The following WDPCP variants were observed in gnomAD, a reference collection of about 807,000 sequenced individuals.
The protein encoded by WDPCP is WD repeat-containing and planar cell polarity effector protein fritz homolog.
WDPCP carries 71 observed loss-of-function variants against 93.1 expected under a neutral mutation model. The ratio of observed to expected loss-of-function variants is 0.76; its 90% confidence interval spans 0.63 to 0.93. WDPCP has a LOEUF of 0.93. Ranked by LOEUF, WDPCP falls within the 40% of genes least tolerant of loss-of-function variation. The pLI, the probability that WDPCP is intolerant of heterozygous loss-of-function variation, is 0.00. For missense variants in WDPCP, 844 were observed against 887.4 expected, an observed-to-expected ratio of 0.95 and a Z score of 0.62; for synonymous variants, 315 against 315.0, an observed-to-expected ratio of 1.00 and a Z score of 0.00.
intron 3 of WDPCP, chr2:63,606,712 G>T: frequency 1.3e-5 from 5 of 385,068 alleles, no homozygotes; most frequent in East Asian, 4.8e-5. Context: ...GTTTTTATTA[G>T]AATTATCTAT....
intron 17 of WDPCP, among the ~76,000 whole-genome samples, chr2:63,128,177 C>T (rs989375595): frequency 6.6e-6 from 1 of 151,970 alleles, no homozygotes; most frequent in African/African-American, 2.4e-5. Context: ...TTCTTTCAGA[C>T]AGTATGCCAA....
chr2:63,546,014 G>A (rs1705125936), intron 1 of WDPCP, among the ~76,000 whole-genome samples: 1 of 152,042 alleles, frequency 6.6e-6, no homozygotes, highest in Non-Finnish European at 1.5e-5. Context: ...AGTCTCCTAA[G>A]ATCTGACAGC....
At chr2:63,529,426 C>G (rs557411797) in intron 1 of WDPCP, among the ~76,000 whole-genome samples, 17 of 152,150 alleles carry the variant, frequency 1.1e-4, no homozygotes, top group African/African-American at 4.1e-4. Context: ...TAGCATGAAG[C>G]GCTGTTGAAT....
chr2:63,156,361 TA>T (rs1672248993), intron 15 of WDPCP, among the ~76,000 whole-genome samples: 2 of 152,292 alleles, frequency 1.3e-5, no homozygotes, highest in African/African-American at 4.8e-5. Flanking sequence ...GTTAGACTTA[TA>T]ACACAGTATT....
chr2:63,743,498 A>T (rs1251203807), intron 2 of WDPCP, among the ~76,000 whole-genome samples: 1 of 152,170 alleles, frequency 6.6e-6, no homozygotes, highest in Non-Finnish European at 1.5e-5. Context: ...TTTTAAAAAA[A>T]TACATCAAGA....
intron 3 of WDPCP, among the ~76,000 whole-genome samples, chr2:63,619,189 A>G (rs146900426): frequency 1.6e-4 from 25 of 152,286 alleles, no homozygotes; most frequent in African/African-American, 6.0e-4. Flanking sequence ...CCATTTAGGG[A>G]GCACGCAAAA....
At chr2:63,614,755 C>A (rs13411288) in intron 3 of WDPCP, among the ~76,000 whole-genome samples, 10,584 of 152,174 alleles carry the variant, frequency 0.07, 1,121 homozygotes, top group African/African-American at 0.23. Flanking sequence ...GAATTCTGCC[C>A]CATACCTTGG....
Position 63,602,934 on chromosome 2 carries a change from C to CTTTT in WDPCP, n.488+47721_488+47724dup, listed in dbSNP as rs370479356. On this transcript the variant is annotated intron_variant and non_coding_transcript_variant, in intron 3 of 4. Coordinates refer to the WDPCP transcript ENST00000467687. ...ACATAATACAGTTTATTTAACCGTT[C>CTTTT]TTTTTTTTTTTTTTTTTTTTTTTTT... 4.9e-3 allele frequency among the ~76,000 whole-genome samples: 649 copies of CTTTT among 131,178 alleles called. 32 individuals carry two copies. Among genetic ancestry groups the CTTTT allele is most frequent in the Non-Finnish European group, 8.8e-3 (520 of 59,308 alleles). The allele number at this position is 131,178 out of a possible 152,430, so 86.1% of individuals were successfully genotyped here.
chr2:63,654,836 AT>A (rs11388925), intron 2 of WDPCP, among the ~76,000 whole-genome samples: 1 of 151,216 alleles, frequency 6.6e-6, no homozygotes, highest in Non-Finnish European at 1.5e-5. Context: ...GTATATTTTT[AT>A]TTTTTTTTAA....
At chr2:63,136,621 T>A (rs190675946) in intron 17 of WDPCP, among the ~76,000 whole-genome samples, 29 of 151,946 alleles carry the variant, frequency 1.9e-4, no homozygotes, top group African/African-American at 7.0e-4. Flanking sequence ...GGATTTGAGG[T>A]TTTTTGTGCA....
intron 3 of WDPCP, among the ~76,000 whole-genome samples, chr2:63,619,060 C>T (rs1022679373): frequency 3.9e-5 from 6 of 152,208 alleles, no homozygotes; most frequent in Admixed American, 1.3e-4. Context: ...CATCCTGATC[C>T]GTGTTAAAAT....
At chr2:63,633,444 T>C (rs1361286030) in intron 3 of WDPCP, among the ~76,000 whole-genome samples, 1 of 152,142 alleles carries the variant, frequency 6.6e-6, no homozygotes, top group Admixed American at 6.5e-5. Context: ...AATTATGACA[T>C]CAAAAATATA....
chr2:63,459,788 G>A (rs996020897), intron 6 of WDPCP, among the ~76,000 whole-genome samples: 3 of 151,434 alleles, frequency 2.0e-5, no homozygotes, highest in African/African-American at 4.8e-5. Flanking sequence ...GTGGTGGCAT[G>A]TGCCTGTAGT....
intron 9 of WDPCP, among the ~76,000 whole-genome samples, chr2:63,418,738 A>C (rs1192303882): frequency 6.6e-6 from 1 of 152,222 alleles, no homozygotes; most frequent in Non-Finnish European, 1.5e-5. Context: ...AGTATAGATA[A>C]TTAAAGGAAG....
At chr2:63,419,383 A>T (rs1439547501) in intron 9 of WDPCP, among the ~76,000 whole-genome samples, 1 of 152,090 alleles carries the variant, frequency 6.6e-6, no homozygotes, top group Non-Finnish European at 1.5e-5. Flanking sequence ...CTCATGATCC[A>T]CTGGCCTTGG....
intron 2 of WDPCP, among the ~76,000 whole-genome samples, chr2:63,689,085 C>A (rs1039655995): frequency 6.6e-6 from 1 of 152,238 alleles, no homozygotes; most frequent in Admixed American, 6.5e-5. Context: ...TATAAATTAT[C>A]CAGTCTGTGG....
At chr2:63,570,583 G>T (rs1707410729) in intron 1 of WDPCP, among the ~76,000 whole-genome samples, 1 of 152,138 alleles carries the variant, frequency 6.6e-6, no homozygotes, top group Non-Finnish European at 1.5e-5. Flanking sequence ...TAACCACAGG[G>T]ATACATCTAG....
intron 17 of WDPCP, among the ~76,000 whole-genome samples, chr2:63,123,831 C>CAT (rs1166747642): frequency 2.0e-5 from 3 of 150,948 alleles, no homozygotes; most frequent in African/African-American, 7.3e-5. Context: ...TTTTTCTCCA[C>CAT]GTTTTATTTA....
At chr2:63,594,645 T>C in intron 3 of WDPCP, 1 of 1,235,960 alleles carries the variant, frequency 8.1e-7, no homozygotes, top group South Asian at 1.3e-5. Flanking sequence ...TTAATAAAAA[T>C]CTGTATTTAG....
Sources: allele counts gnomAD v4.1 joint callset (sites outside exome capture counted in the v4.1 genomes callset), GRCh38; gene constraint gnomAD v4.1.1; transcripts MANE v1.5; gene names NCBI Gene and HGNC (gene_info 2026-07-23, HGNC 2026-07-21).